APOO: variants seen among roughly 807,000 people sequenced by gnomAD.
The protein encoded by APOO is MICOS complex subunit MIC26.
In APOO, 11 loss-of-function variants were observed where a neutral mutation model predicts 23.1. The observed-to-expected ratio is 0.48, with a 90% CI of 0.30 to 0.79. APOO has a LOEUF of 0.79. APOO is among the 30% of genes least tolerant of loss of function. APOO has a pLI of 0.07. For synonymous variants in APOO, 59 were observed against 54.8 expected, an observed-to-expected ratio of 1.08 and a Z score of -0.34; for missense variants, 160 against 142.7, an observed-to-expected ratio of 1.12 and a Z score of -0.62.
At chrX:23,842,349 AC>A (rs1490249383) in intron 7 of APOO, among the ~76,000 whole-genome samples, 1 of 111,943 alleles carries the variant, frequency 8.9e-6, no homozygotes, top group Non-Finnish European at 1.9e-5. Flanking sequence ...TGACTGCACA[AC>A]TGCACTACAG....
chrX:23,847,868 T>C (rs1482884504), intron 7 of APOO, among the ~76,000 whole-genome samples: 1 of 105,042 alleles, frequency 9.5e-6, no homozygotes, highest in Non-Finnish European at 1.9e-5. Context: ...TATATATATA[T>C]ATTTATTTAT....
chrX:23,848,253 C>T (rs1410069957), intron 7 of APOO, among the ~76,000 whole-genome samples: 4 of 110,592 alleles, frequency 3.6e-5, no homozygotes, highest in Non-Finnish European at 7.6e-5. Flanking sequence ...CAACCTCTAC[C>T]GCCCAGGTTC....
chrX:23,852,538 C>T (rs1031718728), intron 7 of APOO, among the ~76,000 whole-genome samples: 27 of 108,992 alleles, frequency 2.5e-4, no homozygotes, highest in East Asian at 2.3e-3. Flanking sequence ...CGCTTGAACC[C>T]GGGAGGCGGA....
At chrX:23,901,186 C>T (rs916868664) in intron 1 of APOO, among the ~76,000 whole-genome samples, 3 of 111,927 alleles carry the variant, frequency 2.7e-5, no homozygotes, top group Non-Finnish European at 5.6e-5. Flanking sequence ...TAGTCATGGA[C>T]ATGTTCACTC....
intron 7 of APOO, among the ~76,000 whole-genome samples, chrX:23,849,614 G>A (rs974510852): frequency 5.2e-5 from 3 of 57,991 alleles, no homozygotes; most frequent in African/African-American, 2.4e-4. Context: ...AAAAAAGTTC[G>A]GGCATGGTGG....
intron 1 of APOO, among the ~76,000 whole-genome samples, chrX:23,891,778 T>G (rs1303305435): frequency 9.1e-6 from 1 of 110,374 alleles, no homozygotes; most frequent in Non-Finnish European, 1.9e-5. Context: ...TAAGTATATA[T>G]ACACTTACAG....
At chrX:23,892,315 G>A (rs1241741135) in intron 1 of APOO, among the ~76,000 whole-genome samples, 1 of 100,525 alleles carries the variant, frequency 9.9e-6, no homozygotes, top group Non-Finnish European at 2.0e-5. Flanking sequence ...GCAGTGGCGC[G>A]ATCTCCACTC....
intron 5 of APOO, among the ~76,000 whole-genome samples, chrX:23,863,854 C>G (rs892380306): frequency 9.1e-6 from 1 of 110,179 alleles, no homozygotes; most frequent in African/African-American, 3.3e-5. Context: ...GGACACAGAG[C>G]CTGGAGAAAC....
chrX:23,861,559 CAAAAAAAAAAA>C (rs1344776442), intron 5 of APOO, among the ~76,000 whole-genome samples: 1 of 39,071 alleles, frequency 2.6e-5, no homozygotes, highest in Non-Finnish European at 4.9e-5. Flanking sequence ...GATCCTGTCT[CAAAAAAAAAAA>C]AAAAAAAAAA....
At position 23,856,348 on chromosome X, in the gene APOO, C is replaced by T. The variant is rs142355722; in HGVS notation, c.515G>A (p.Arg172Gln). ...CAAATCTTCTATGACTATATATCCT[C>T]GTAAACCCCAGTCATATAATCTCTC... ...SGERLYDWGL[R>Q]GYIVIEDLWK... Residue 172 changes from arginine (R) to glutamine (Q), a missense_variant, in exon 7 of 9, where the codon CGA (arginine) becomes CAA (glutamine). Physicochemically the swap from Arg to Gln is conservative, Grantham distance 43. Transcript: ENST00000379226. The T allele has an allele frequency of 1.1e-3, 1,349 of 1,208,367 alleles. 1 individual carries two copies. Among genetic ancestry groups the T allele is most frequent in the Non-Finnish European group, 1.2e-3 (1,098 of 894,380 alleles).
At chrX:23,868,528 G>C (rs894609971) in intron 5 of APOO, 65 bp downstream of exon 5, 1 of 940,154 alleles carries the variant, frequency 1.1e-6, no homozygotes, top group Middle Eastern at 4.0e-4. Context: ...TGAAGGGAAA[G>C]AATGAAACAT....
intron 1 of APOO, among the ~76,000 whole-genome samples, chrX:23,905,566 C>T (rs1433052819): frequency 4.5e-5 from 5 of 110,641 alleles, no homozygotes; most frequent in African/African-American, 1.3e-4. Context: ...TTAAGTGTCC[C>T]GTCTGTGAAG....
rs1927438949 is a variant in APOO, at chrX:23,907,760, G to C, written c.-58C>G. 9.7e-6 allele frequency: 11 copies of C among 1,129,925 alleles called. No individual in the cohort carries two copies. In the South Asian group the frequency reaches 1.7e-4, roughly 18 times the overall value. The allele number at this position is 1,129,925 out of a possible 1,213,427, so 93.1% of individuals were successfully genotyped here. On this transcript the variant is annotated 5_prime_UTR_variant, in exon 1 of 9. Transcript: ENST00000379226. ...CCCGGCCTCGGCCACGCCCACTATA[G>C]AGAGGTGACTACGGAGGCCCGGTAG...
intron 4 of APOO, among the ~76,000 whole-genome samples, chrX:23,870,567 C>T (rs1335388834): frequency 9.2e-6 from 1 of 108,965 alleles, no homozygotes; most frequent in African/African-American, 3.4e-5. Flanking sequence ...GGGAGGATTG[C>T]TTGAGTCCAG....
intron 7 of APOO, 157 bp from the exon 8 acceptor site, chrX:23,840,534 G>A (rs1268538847): frequency 1.1e-5 from 4 of 376,544 alleles, no homozygotes; most frequent in African/African-American, 2.7e-5. Context: ...TTGAAGAAAG[G>A]CTGAGGAGGA....
At chrX:23,903,752 C>T (rs1252385024) in intron 1 of APOO, among the ~76,000 whole-genome samples, 1 of 111,769 alleles carries the variant, frequency 8.9e-6, no homozygotes, top group Non-Finnish European at 1.9e-5. Flanking sequence ...AAAAGAACAA[C>T]CCCACAAGTT....
chrX:23,836,094 A>C (rs1923651759), intron 8 of APOO, among the ~76,000 whole-genome samples: 1 of 112,779 alleles, frequency 8.9e-6, no homozygotes, highest in African/African-American at 3.2e-5. Flanking sequence ...AAATGTGTAC[A>C]TTGAACTGGA....
Position 23,882,195 on chromosome X carries a change from T to G in APOO, c.10-1243A>C, listed in dbSNP as rs941489484. On this transcript the variant is annotated intron_variant, in intron 1 of 8. Transcript: ENST00000379226. Reference sequence around the variant, plus strand: ...GACCTCAAGATGCACACTTAATACTTCAAGATGTATCAATTGTTTTTAAAC... The same window carrying G: ...GACCTCAAGATGCACACTTAATACTGCAAGATGTATCAATTGTTTTTAAAC... Among the ~76,000 whole-genome samples, 27 of 111,817 alleles carry G rather than the reference T, an allele frequency of 2.4e-4. 1 individual carries two copies. Among genetic ancestry groups the G allele is most frequent in the African/African-American group, 8.8e-4 (27 of 30,758 alleles).
At chrX:23,858,206 C>T in intron 6 of APOO, among the ~76,000 whole-genome samples, 1 of 110,542 alleles carries the variant, frequency 9.0e-6, no homozygotes, top group East Asian at 2.9e-4. Context: ...CCCCAAAGTC[C>T]CCAGCAAGGA....
Sources: allele counts gnomAD v4.1 joint callset (sites outside exome capture counted in the v4.1 genomes callset), GRCh38; gene constraint gnomAD v4.1.1; transcripts MANE v1.5; gene names NCBI Gene and HGNC (gene_info 2026-07-23, HGNC 2026-07-21).